RCSD1: variants seen among roughly 807,000 people sequenced by gnomAD.
RCSD1 encodes the protein capZ-interacting protein.
In RCSD1, 26 loss-of-function variants were observed where a neutral mutation model predicts 42.5. That is an observed-to-expected ratio of 0.61 (90% CI 0.45 to 0.85). The LOEUF is 0.85. RCSD1 is among the 40% of genes least tolerant of loss of function. The pLI, the probability that RCSD1 is intolerant of heterozygous loss-of-function variation, is 0.00. For missense variants in RCSD1, 571 were observed against 528.3 expected (o/e 1.08, Z -0.79); for synonymous variants, 220 against 212.2 (o/e 1.04, Z -0.32).
chr1:167,686,025 C>G (rs1473968841), intron 3 of RCSD1, among the ~76,000 whole-genome samples: 6 of 152,244 alleles, frequency 3.9e-5, no homozygotes, highest in Admixed American at 2.0e-4. Context: ...GCCTCGTTGC[C>G]CTCAGATATA....
chr1:167,643,119 A>C (rs1321886771), intron 1 of RCSD1, among the ~76,000 whole-genome samples: 1 of 152,238 alleles, frequency 6.6e-6, no homozygotes, highest in African/African-American at 2.4e-5. Flanking sequence ...TTGAAAAGGA[A>C]GTAAGATTAT....
intron 1 of RCSD1, chr1:167,641,530 C>T (rs1157218286): frequency 6.6e-6 from 1 of 152,094 alleles, no homozygotes; most frequent in African/African-American, 2.4e-5. Context: ...ACCACCCTGA[C>T]CAACATGAAG....
chr1:167,641,099 A>G (rs1657993329), intron 1 of RCSD1, among the ~76,000 whole-genome samples: 1 of 152,090 alleles, frequency 6.6e-6, no homozygotes, highest in South Asian at 2.1e-4. Flanking sequence ...TGTGTCATCC[A>G]TACCCCTAGT....
At chr1:167,632,297 G>A (rs1657721325) in intron 1 of RCSD1, among the ~76,000 whole-genome samples, 1 of 152,230 alleles carries the variant, frequency 6.6e-6, no homozygotes, top group South Asian at 2.1e-4. Flanking sequence ...TGTATGGCCT[G>A]TCTAACCTCT....
At chr1:167,680,565 C>T (rs968632494) in intron 1 of RCSD1, among the ~76,000 whole-genome samples, 3 of 152,046 alleles carry the variant, frequency 2.0e-5, no homozygotes, top group South Asian at 2.1e-4. Flanking sequence ...ACTGCAGCCT[C>T]GACCAACTGG....
chr1:167,631,655 T>G (rs192961428), intron 1 of RCSD1, among the ~76,000 whole-genome samples: 4 of 152,338 alleles, frequency 2.6e-5, no homozygotes, highest in Non-Finnish European at 4.4e-5. Flanking sequence ...TGGCTAGTTT[T>G]AAAATTTTTT....
intron 1 of RCSD1, among the ~76,000 whole-genome samples, chr1:167,658,586 T>C (rs563153331): frequency 6.6e-6 from 1 of 152,132 alleles, no homozygotes; most frequent in African/African-American, 2.4e-5. Flanking sequence ...CCACCACGCC[T>C]GGTTAATTTT....
At chr1:167,681,368 G>A (rs1659077993) in intron 1 of RCSD1, among the ~76,000 whole-genome samples, 1 of 152,184 alleles carries the variant, frequency 6.6e-6, no homozygotes, top group African/African-American at 2.4e-5. Flanking sequence ...CAGAGGATGG[G>A]AAGTGTCTGG....
chr1:167,641,735 G>A (rs1157318575), intron 1 of RCSD1: 2 of 152,050 alleles, frequency 1.3e-5, no homozygotes, highest in East Asian at 3.8e-4. Context: ...ATAAGAATAA[G>A]ACACAATCCT....
At chr1:167,688,020 G>A (rs1014361529) in intron 3 of RCSD1, among the ~76,000 whole-genome samples, 5 of 152,208 alleles carry the variant, frequency 3.3e-5, no homozygotes, top group Non-Finnish European at 7.3e-5. Context: ...TACAGGGATG[G>A]AAGGCTGGTT....
chr1:167,666,178 T>C (rs1658652306), intron 1 of RCSD1, among the ~76,000 whole-genome samples: 1 of 151,996 alleles, frequency 6.6e-6, no homozygotes, highest in African/African-American at 2.4e-5. Flanking sequence ...CAGTGTGGAG[T>C]TGTGGTTGGG....
chr1:167,648,993 C>A (rs1228088996), intron 1 of RCSD1, among the ~76,000 whole-genome samples: 1 of 152,196 alleles, frequency 6.6e-6, no homozygotes, highest in African/African-American at 2.4e-5. Context: ...AGGTTGCAGT[C>A]TGGTAAGACA....
chr1:167,634,397 C>G (rs12404628), intron 1 of RCSD1, among the ~76,000 whole-genome samples: 1 of 149,728 alleles, frequency 6.7e-6, no homozygotes, highest in Non-Finnish European at 1.5e-5. Context: ...TTTTAACAAG[C>G]AGTGTTTAGA....
intron 1 of RCSD1, among the ~76,000 whole-genome samples, chr1:167,635,517 C>T (rs913745456): frequency 5.3e-5 from 8 of 152,188 alleles, no homozygotes; most frequent in Admixed American, 3.9e-4. Context: ...CGCAGCGTGG[C>T]TCCTCACAGC....
intron 1 of RCSD1, 29 bp from the exon 2 acceptor site, chr1:167,683,871 T>C (rs199906243): frequency 1.2e-6 from 2 of 1,606,006 alleles, no homozygotes; most frequent in Non-Finnish European, 1.7e-6. Flanking sequence ...CATTTGCTGA[T>C]TAACTGTTTC....
chr1:167,678,053 G>A (rs1474395153), intron 1 of RCSD1, among the ~76,000 whole-genome samples: 1 of 152,122 alleles, frequency 6.6e-6, no homozygotes, highest in East Asian at 1.9e-4. Context: ...ACACCAAAAT[G>A]CCCTCCAGGC....
chr1:167,688,654 T>C (rs566296457), intron 3 of RCSD1, among the ~76,000 whole-genome samples: 58 of 152,364 alleles, frequency 3.8e-4, no homozygotes, highest in African/African-American at 1.3e-3. Context: ...TCCCTTGGTG[T>C]TGGGCTGTAA....
Position 167,630,276 on chromosome 1 carries a change from C to T in RCSD1, c.-148C>T. ...CGGCCGGGGCAGTCCCGCAGCCGAG[C>T]GCAGCCGGGCGCGCGCCACCGCCCA... is the stretch of plus-strand genomic sequence containing the variant. On this transcript the variant is annotated 5_prime_UTR_variant, in exon 1 of 7. Transcript: ENST00000367854. The T allele has an allele frequency of 1.2e-6, 1 of 835,282 alleles. No homozygotes were observed. The highest frequency in any genetic ancestry group is 1.6e-6 in the Non-Finnish European group (1 of 623,840). 51.7% of individuals were successfully genotyped at this position (835,282 alleles called of 1,614,324 possible).
At chr1:167,637,828 C>T (rs1400855183) in intron 1 of RCSD1, among the ~76,000 whole-genome samples, 3 of 152,162 alleles carry the variant, frequency 2.0e-5, no homozygotes, top group African/African-American at 2.4e-5. Flanking sequence ...TATGGCCACA[C>T]TTCCTGTACA....
Sources: gnomAD v4.1 joint callset for allele counts (sites outside exome capture counted in the v4.1 genomes callset) on GRCh38, gnomAD v4.1.1 for gene constraint, MANE v1.5 for transcripts, NCBI Gene and HGNC (gene_info 2026-07-23, HGNC 2026-07-21) for gene names.